The following CD48 variants were observed in gnomAD, a reference collection of about 807,000 sequenced individuals.
CD48 encodes the protein CD48 antigen.
Under a neutral mutation model 22.0 loss-of-function variants are expected in CD48, and 20 were observed. The ratio of observed to expected loss-of-function variants is 0.91; its 90% confidence interval spans 0.64 to 1.32. The LOEUF is 1.32. CD48 is among the 40% of genes most tolerant of loss of function. The pLI is 0.00. For missense variants in CD48, 307 were observed against 286.5 expected, an observed-to-expected ratio of 1.07 and a Z score of -0.52; for synonymous variants, 110 against 110.1, an observed-to-expected ratio of 1.00 and a Z score of 0.01.
At chr1:160,696,612 C>A (rs1354468420) in intron 1 of CD48, among the ~76,000 whole-genome samples, 2 of 151,672 alleles carry the variant, frequency 1.3e-5, no homozygotes, top group African/African-American at 4.8e-5. Flanking sequence ...AAGTCTTAGA[C>A]CTGCCCACTC....
At position 160,683,719 on chromosome 1, in the gene CD48, TG is replaced by T. The variant is rs1417073605; in HGVS notation, c.385+1167del. 4.6e-5 allele frequency: 7 copies of T among 152,298 alleles called. No individual in the cohort carries two copies. The East Asian group carries it at 1.3e-3, about 29-fold the overall frequency. The allele number at this position is 152,298 out of a possible 1,614,324, so 9.4% of individuals were successfully genotyped here. On this transcript the variant is annotated intron_variant, in intron 2 of 3. Transcript: ENST00000368046. ...ATGTATACAACACTCTTCATTTGCA[TG>T]TTTTGACATTTTAAAAAATGTTTTC...
intron 2 of CD48, 170 bp downstream of exon 2, chr1:160,684,717 G>A: frequency 6.5e-7 from 1 of 1,546,872 alleles, no homozygotes; most frequent in Non-Finnish European, 8.7e-7. Context: ...GATATCTGTT[G>A]ACCTAGGCTC....
chr1:160,702,216 G>T lies in CD48; in HGVS notation c.82+9466C>A, dbSNP rs796533051. On this transcript the variant is annotated intron_variant, in intron 1 of 3. Coordinates refer to ENST00000368046, the MANE Select transcript of CD48 (RefSeq NM_001778.4). ...TTGAGGTAAAGGGCCAGTGACCCCC[G>T]TGGGGACAATCAAAGGCAAAGAATC... Among the ~76,000 whole-genome samples, 23 of 152,244 alleles carry T rather than the reference G, an allele frequency of 1.5e-4. No homozygotes were observed. The East Asian group carries it at 3.7e-3, about 24-fold the overall frequency.
chr1:160,684,939 C>T lies in CD48; in HGVS notation c.333G>A (p.Val111=), dbSNP rs1661942018. 1.2e-6 allele frequency: 2 copies of T among 1,614,192 alleles called. No homozygotes were observed. The highest frequency in any genetic ancestry group is 1.1e-5 in the South Asian group (1 of 91,078). ...KEDNSTYIMR[V]LKKTGNEQEW... is the part of the protein sequence containing the mutation. ...CTTGCTCATTCCCAGTCTTTTTCAA[C>T]ACCCTCATGATGTAGGTGCTGTTGT... is the stretch of plus-strand genomic sequence containing the variant. The change falls in exon 2 of 4, where the codon GTG becomes GTA. Residue 111 remains valine (V), a synonymous_variant. Transcript: ENST00000368046.
At chr1:160,706,640 A>G (rs1478796387) in intron 1 of CD48, among the ~76,000 whole-genome samples, 1 of 152,208 alleles carries the variant, frequency 6.6e-6, no homozygotes, top group East Asian at 1.9e-4. Flanking sequence ...GTATTTGGTG[A>G]TATGTCTGGA....
chr1:160,708,677 T>C (rs183640163), intron 1 of CD48, among the ~76,000 whole-genome samples: 113 of 152,290 alleles, frequency 7.4e-4, no homozygotes, highest in African/African-American at 2.6e-3. Context: ...ATGTCATTTA[T>C]AGAGGTGGGG....
chr1:160,685,729 C>T (rs1029667226), intron 1 of CD48, among the ~76,000 whole-genome samples: 2 of 152,172 alleles, frequency 1.3e-5, no homozygotes, highest in Non-Finnish European at 1.5e-5. Flanking sequence ...CAAGGGAAAG[C>T]TTCCCCTTCA....
At chr1:160,692,873 C>T (rs1159909546) in intron 1 of CD48, among the ~76,000 whole-genome samples, 1 of 152,224 alleles carries the variant, frequency 6.6e-6, no homozygotes, top group East Asian at 1.9e-4. Flanking sequence ...ACCCAACTCC[C>T]CTTATATGAG....
intron 1 of CD48, 61 bp downstream of exon 1, chr1:160,711,621 C>T (rs940286066): frequency 1.5e-6 from 2 of 1,292,400 alleles, no homozygotes; most frequent in South Asian, 1.2e-5. Context: ...TCCCGTCTCC[C>T]CTTTCCCAAC....
chr1:160,695,566 G>C (rs76277407), intron 1 of CD48, among the ~76,000 whole-genome samples: 88 of 145,532 alleles, frequency 6.0e-4, no homozygotes, highest in East Asian at 1.9e-3. Flanking sequence ...GCCAACTCTA[G>C]GCATTCCTAC....
At chr1:160,702,734 C>T (rs1432718132) in intron 1 of CD48, among the ~76,000 whole-genome samples, 1 of 152,060 alleles carries the variant, frequency 6.6e-6, no homozygotes, top group Non-Finnish European at 1.5e-5. Flanking sequence ...ATGGCCGGTG[C>T]CCACAGAATA....
At chr1:160,708,546 T>C (rs979824969) in intron 1 of CD48, among the ~76,000 whole-genome samples, 40 of 152,120 alleles carry the variant, frequency 2.6e-4, no homozygotes, top group African/African-American at 9.6e-4. Flanking sequence ...TTGGACATAT[T>C]TGAGAGATAT....
intron 1 of CD48, among the ~76,000 whole-genome samples, chr1:160,689,943 G>A (rs1662144103): frequency 6.6e-6 from 1 of 152,160 alleles, no homozygotes; most frequent in Non-Finnish European, 1.5e-5. Flanking sequence ...ATGGCGTTTG[G>A]CTGCAGTTAC....
Position 160,711,753 on chromosome 1 carries a change from C to G in CD48, c.11G>C (p.Arg4Thr), listed in dbSNP as rs1215494270. Residue 4 changes from arginine to threonine, a missense_variant, in exon 1 of 4, where the codon AGA (arginine) becomes ACA (threonine). Coordinates refer to ENST00000368046, the MANE Select transcript of CD48 (RefSeq NM_001778.4). ...CAGAGCCAGACACGAATCCCAACCT[C>G]TGGAGCACATGCTTCCTTCCAGAAC... Reference protein sequence around the residue: MCSRGWDSCLALEL... With the variant: MCSTGWDSCLALEL... 2 of 1,613,234 alleles carry G rather than the reference C, an allele frequency of 1.2e-6. No individual in the cohort carries two copies. The highest frequency in any genetic ancestry group is 1.7e-6 in the Non-Finnish European group (2 of 1,179,458).
chr1:160,696,333 C>T (rs181641870), intron 1 of CD48, among the ~76,000 whole-genome samples: 131 of 151,374 alleles, frequency 8.7e-4, no homozygotes, highest in Middle Eastern at 3.5e-3. Context: ...ATAGCATGGA[C>T]GATCAGTTAA....
At chr1:160,682,960 T>A (rs1464741176) in intron 2 of CD48, among the ~76,000 whole-genome samples, 2 of 152,206 alleles carry the variant, frequency 1.3e-5, no homozygotes, top group African/African-American at 4.8e-5. Context: ...ATTGACCAGA[T>A]CAGAGCTTGC....
chr1:160,684,373 G>C (rs1661913029), intron 2 of CD48: 1 of 176,352 alleles, frequency 5.7e-6, no homozygotes, highest in Non-Finnish European at 1.2e-5. Flanking sequence ...TTGAACCCAA[G>C]TCTGTCTGGC....
chr1:160,711,417 C>A (rs962358880), intron 1 of CD48, among the ~76,000 whole-genome samples: 5 of 152,170 alleles, frequency 3.3e-5, no homozygotes, highest in African/African-American at 1.2e-4. Flanking sequence ...GGACCACCAA[C>A]CACGGGACAA....
chr1:160,682,026 G>C (rs542836267), intron 2 of CD48, among the ~76,000 whole-genome samples: 1 of 152,140 alleles, frequency 6.6e-6, no homozygotes, highest in Non-Finnish European at 1.5e-5. Flanking sequence ...ACTTCCAGCC[G>C]CATCAATTGT....
Sources: allele counts gnomAD v4.1 joint callset (sites outside exome capture counted in the v4.1 genomes callset), GRCh38; gene constraint gnomAD v4.1.1; transcripts MANE v1.5; gene names NCBI Gene and HGNC (gene_info 2026-07-23, HGNC 2026-07-21).